Variants in SNX11 observed in about 807,000 individuals in gnomAD.
SNX11 encodes sorting nexin-11.
SNX11 carries 19 observed loss-of-function variants against 30.7 expected under a neutral mutation model. The ratio of observed to expected loss-of-function variants is 0.62; its 90% CI spans 0.43 to 0.91. SNX11 has a LOEUF of 0.91. SNX11 is among the 40% of genes least tolerant of loss of function. The pLI is 0.00. For synonymous variants in SNX11, 112 were observed against 119.0 expected, an observed-to-expected ratio of 0.94 and a Z score of 0.38; for missense variants, 302 against 326.7, an observed-to-expected ratio of 0.92 and a Z score of 0.58.
At chr17:48,111,068 C>G in intron 1 of SNX11, 9 of 984,928 alleles carry the variant, frequency 9.1e-6, no homozygotes, top group Non-Finnish European at 1.1e-5. Flanking sequence ...CTGAGTCGAC[C>G]TGTGCAGCTG....
rs61680588 is a variant in SNX11 at position 48,120,201 on chromosome 17, GTTTTTTT to G, written c.540-1017_540-1011del. 7.1e-3 allele frequency among the ~76,000 whole-genome samples: 526 copies of G among 74,280 alleles called. 8 individuals carry two copies. Among genetic ancestry groups the G allele is most frequent in the East Asian group, 0.057 (162 of 2,848 alleles). 48.7% of individuals were successfully genotyped at this position (74,280 alleles called of 152,430 possible). ...TTTATCCATTCACTTGCATTTATCT[GTTTTTTT>G]TTTTTTTTTTTTTTTTGAGACAGAG... is the stretch of plus-strand genomic sequence containing the variant. On this transcript the variant is annotated intron_variant, in intron 6 of 6. Coordinates refer to ENST00000359238, the MANE Select transcript of SNX11 (RefSeq NM_013323.3).
At chr17:48,112,744 T>TC (rs532423638) in intron 3 of SNX11, 84 bp downstream of exon 3, 110,116 of 792,738 alleles carry the variant, frequency 0.14, 5,776 homozygotes, top group Non-Finnish European at 0.17. Flanking sequence ...TTTTTTTTTT[T>TC]TTTGAGATGG....
chr17:48,112,181 T>G, intron 2 of SNX11, 96 bp downstream of exon 2: 1 of 1,092,824 alleles, frequency 9.2e-7, no homozygotes, highest in Non-Finnish European at 1.4e-6. Flanking sequence ...AATTATTACC[T>G]GCAGTATTAC....
At chr17:48,117,971 C>T (rs554050988) in intron 4 of SNX11, among the ~76,000 whole-genome samples, 2 of 152,020 alleles carry the variant, frequency 1.3e-5, no homozygotes, top group Admixed American at 1.3e-4. Flanking sequence ...GCTATGCTCA[C>T]GTTTATGCTA....
At position 48,122,096 on chromosome 17, in the gene SNX11, C is replaced by G. The variant is rs886438716; in HGVS notation, c.*588C>G. The stretch of plus-strand genomic sequence containing the variant: ...CTCCTGCTGCTGGGGATTTATGTCC[C>G]GAGACCTTAGCCTGGCTGAGTGGAG... On this transcript the variant is annotated 3_prime_UTR_variant, in exon 7 of 7. Transcript: ENST00000359238. The G allele has an allele frequency of 1.3e-5, 2 of 154,936 alleles. No individual in the cohort carries two copies. Among genetic ancestry groups the G allele is most frequent in the African/African-American group, 4.8e-5 (2 of 41,450 alleles). 9.6% of individuals were successfully genotyped at this position (154,936 alleles called of 1,614,324 possible). A position where few individuals can be genotyped will look rare whatever the true frequency, so the allele number is the denominator to read the frequency against.
rs377736294 is a variant in SNX11 at position 48,113,548 on chromosome 17, G to GT, written c.230+162dup. 3,960 of 427,402 alleles carry GT rather than the reference G, an allele frequency of 9.3e-3. 5 individuals carry two copies. Among genetic ancestry groups the GT allele is most frequent in the African/African-American group, 0.024 (939 of 38,876 alleles). The allele number at this position is 427,402 out of a possible 1,614,324, so 26.5% of individuals were successfully genotyped here. A position where few individuals can be genotyped will look rare whatever the true frequency, so the allele number is the denominator to read the frequency against. On this transcript the variant is annotated intron_variant, in intron 4 of 6. Coordinates refer to ENST00000359238, the MANE Select transcript of SNX11 (RefSeq NM_013323.3). ...TGTTGTTTCTTTTTTTGTTTTTTGG[G>GT]TTTTTTTTTTTTTTTGATGTAGGGT...
At chr17:48,117,404 G>A (rs1318398189) in intron 4 of SNX11, among the ~76,000 whole-genome samples, 2 of 151,790 alleles carry the variant, frequency 1.3e-5, no homozygotes, top group Admixed American at 6.6e-5. Flanking sequence ...ACAGGCGCCC[G>A]CCACCACGCC....
chr17:48,120,871 TC>T (rs2063593488), intron 6 of SNX11, among the ~76,000 whole-genome samples: 1 of 148,954 alleles, frequency 6.7e-6, no homozygotes, highest in Non-Finnish European at 1.5e-5. Flanking sequence ...GGTCTCCACC[TC>T]CCAGACTCAA....
At chr17:48,120,604 G>A (rs1325219403) in intron 6 of SNX11, among the ~76,000 whole-genome samples, 4 of 147,970 alleles carry the variant, frequency 2.7e-5, no homozygotes, top group African/African-American at 5.0e-5. Context: ...TGCCTCCCGG[G>A]TTCACACCAT....
intron 2 of SNX11, chr17:48,112,307 G>A (rs1212655708): frequency 3.1e-6 from 2 of 636,692 alleles, no homozygotes; most frequent in East Asian, 2.7e-5. Context: ...GGAATATACT[G>A]GAATGTAAGC....
chr17:48,114,644 G>T (rs1241792155), intron 4 of SNX11, among the ~76,000 whole-genome samples: 1 of 150,096 alleles, frequency 6.7e-6, no homozygotes, highest in Admixed American at 6.7e-5. Context: ...TTTTAGTGGA[G>T]GTGGGGTTTT....
intron 4 of SNX11, among the ~76,000 whole-genome samples, chr17:48,114,223 G>A (rs2063520888): frequency 1.4e-5 from 2 of 144,402 alleles, no homozygotes; most frequent in African/African-American, 2.6e-5. Context: ...GTGCGATCTC[G>A]GCTCACCGCA....
At chr17:48,116,865 C>CTTTTTT (rs143715469) in intron 4 of SNX11, among the ~76,000 whole-genome samples, 1 of 139,312 alleles carries the variant, frequency 7.2e-6, no homozygotes, top group African/African-American at 2.6e-5. Flanking sequence ...TGCGCCCGGC[C>CTTTTTT]TTTTTTTTTT....
At chr17:48,108,572 A>G (rs1598326790) in intron 1 of SNX11, among the ~76,000 whole-genome samples, 3 of 152,370 alleles carry the variant, frequency 2.0e-5, no homozygotes, top group African/African-American at 7.2e-5. Context: ...ACTATATTAG[A>G]AAGCTTTACG....
chr17:48,120,001 G>A (rs1452914010), intron 6 of SNX11, among the ~76,000 whole-genome samples: 2 of 151,944 alleles, frequency 1.3e-5, no homozygotes, highest in African/African-American at 4.8e-5. Flanking sequence ...TTACACAAAT[G>A]GAGTCATATG....
intron 4 of SNX11, among the ~76,000 whole-genome samples, chr17:48,115,153 C>T (rs913440547): frequency 6.7e-6 from 1 of 148,978 alleles, no homozygotes; most frequent in Non-Finnish European, 1.5e-5. Flanking sequence ...CCTCAGCCTC[C>T]TGGGTTCAAG....
intron 1 of SNX11, among the ~76,000 whole-genome samples, chr17:48,111,337 T>C (rs2063490118): frequency 6.6e-6 from 1 of 152,062 alleles, no homozygotes; most frequent in African/African-American, 2.4e-5. Flanking sequence ...GAGGGGGTGC[T>C]GTTAGGCTCG....
At chr17:48,107,618 A>T (rs2063448491), upstream of SNX11, 1 of 151,820 alleles carries the variant, frequency 6.6e-6, no homozygotes, top group Non-Finnish European at 1.5e-5. Context: ...GGGGATCCCG[A>T]CTCCAGTCCG....
At chr17:48,108,878 G>T (rs2063461789) in intron 1 of SNX11, among the ~76,000 whole-genome samples, 1 of 152,232 alleles carries the variant, frequency 6.6e-6, no homozygotes, top group Non-Finnish European at 1.5e-5. Flanking sequence ...TAATGGAGAA[G>T]AGTGGTTGCT....
Sources: gnomAD v4.1 joint callset for allele counts (sites outside exome capture counted in the v4.1 genomes callset) on GRCh38, gnomAD v4.1.1 for gene constraint, MANE v1.5 for transcripts, NCBI Gene and HGNC (gene_info 2026-07-23, HGNC 2026-07-21) for gene names.